Variants in SH3GL2 observed in about 807,000 individuals in gnomAD.
SH3GL2 encodes the protein SH3 domain containing GRB2 like 2, endophilin A1.
A neutral mutation model predicts 46.0 loss-of-function variants in SH3GL2; 24 were observed. The ratio of observed to expected loss-of-function variants is 0.52; its 90% CI spans 0.38 to 0.73. The LOEUF is 0.73. Ranked by LOEUF, SH3GL2 falls within the 30% of genes least tolerant of loss-of-function variation. The probability of loss-of-function intolerance (pLI) is 0.00; values close to 1 mark genes in which losing one functional copy is unlikely to be tolerated. For synonymous variants in SH3GL2, 196 were observed against 147.1 expected, an observed-to-expected ratio of 1.33 and a Z score of -2.40; for missense variants, 413 against 424.2, an observed-to-expected ratio of 0.97 and a Z score of 0.23.
chr9:17,677,386 T>G (rs1178961439), intron 1 of SH3GL2, among the ~76,000 whole-genome samples: 3 of 152,128 alleles, frequency 2.0e-5, no homozygotes, highest in African/African-American at 7.2e-5. Context: ...AATATTAATT[T>G]TAGAGTGGAT....
intron 1 of SH3GL2, among the ~76,000 whole-genome samples, chr9:17,604,572 T>C (rs1317980438): frequency 6.6e-6 from 1 of 152,232 alleles, no homozygotes; most frequent in Non-Finnish European, 1.5e-5. Context: ...TTAGCCATGC[T>C]GCTTAATTTC....
intron 8 of SH3GL2, among the ~76,000 whole-genome samples, chr9:17,794,233 T>C (rs997243219): frequency 2.0e-5 from 3 of 152,210 alleles, no homozygotes; most frequent in African/African-American, 7.2e-5. Flanking sequence ...ATTTTCAACC[T>C]CCACATTTGC....
intron 1 of SH3GL2, among the ~76,000 whole-genome samples, chr9:17,681,538 A>G (rs62548122): frequency 2.6e-5 from 4 of 152,188 alleles, no homozygotes; most frequent in Admixed American, 6.5e-5. Flanking sequence ...CTTACACCTT[A>G]TACAAAAGTT....
intron 1 of SH3GL2, among the ~76,000 whole-genome samples, chr9:17,706,149 A>C (rs1263117522): frequency 6.6e-6 from 1 of 152,020 alleles, no homozygotes; most frequent in Non-Finnish European, 1.5e-5. Flanking sequence ...GTCATTTGAG[A>C]GTTTACCCCT....
rs369038946 is a variant in SH3GL2, at chr9:17,796,997, G to T, written c.*1254G>T. The T allele has an allele frequency of 1.6e-4, 24 of 152,630 alleles. No individual in the cohort carries two copies. The highest frequency in any genetic ancestry group is 5.8e-4 in the African/African-American group (24 of 41,510). The allele number at this position is 152,630 out of a possible 1,614,324, so 9.5% of individuals were successfully genotyped here. The stretch of plus-strand genomic sequence containing the variant: ...GTACAGACTCTTTCAGAGGTTTAAC[G>T]TGCTGCTTCCGATGTGCCACCTGCA... On this transcript the variant is annotated 3_prime_UTR_variant, in exon 9 of 9. Transcript: ENST00000380607.
chr9:17,768,510 C>T (rs1290313524), intron 3 of SH3GL2, among the ~76,000 whole-genome samples: 1 of 151,696 alleles, frequency 6.6e-6, no homozygotes, highest in Non-Finnish European at 1.5e-5. Flanking sequence ...TAAATAAATA[C>T]CATACCTAAA....
chr9:17,643,743 T>G (rs2134649148), intron 1 of SH3GL2, among the ~76,000 whole-genome samples: 1 of 152,354 alleles, frequency 6.6e-6, no homozygotes, highest in Non-Finnish European at 1.5e-5. Context: ...GTCAGTATTT[T>G]ATTGAGCATT....
At chr9:17,660,988 CCT>C (rs1820198376) in intron 1 of SH3GL2, among the ~76,000 whole-genome samples, 1 of 151,950 alleles carries the variant, frequency 6.6e-6, no homozygotes, top group Non-Finnish European at 1.5e-5. Context: ...GTGGTGAAAC[CCT>C]GTCTCTACTA....
At chr9:17,622,976 G>GTTTCCTTCCCTTTCCGTTCCGTTCC (rs1397252845) in intron 1 of SH3GL2, among the ~76,000 whole-genome samples, 2 of 78,712 alleles carry the variant, frequency 2.5e-5, no homozygotes, top group African/African-American at 8.5e-5. Flanking sequence ...TTTTCCTTTC[G>GTTTCCTTCCCTTTCCGTTCCGTTCC]TTTCCTTTCG....
At chr9:17,618,913 A>G (rs952106879) in intron 1 of SH3GL2, among the ~76,000 whole-genome samples, 5 of 151,998 alleles carry the variant, frequency 3.3e-5, no homozygotes, top group African/African-American at 4.8e-5. Context: ...AAAAAGTCCA[A>G]AGTTGGCTTA....
At chr9:17,746,073 T>A (rs1822673183) in intron 1 of SH3GL2, among the ~76,000 whole-genome samples, 1 of 152,168 alleles carries the variant, frequency 6.6e-6, no homozygotes, top group South Asian at 2.1e-4. Context: ...AAAGTGTATC[T>A]AATTTTTTTA....
chr9:17,608,296 C>T (rs970843731), intron 1 of SH3GL2, among the ~76,000 whole-genome samples: 11 of 151,942 alleles, frequency 7.2e-5, no homozygotes, highest in Admixed American at 2.0e-4. Flanking sequence ...TACAGGCGCC[C>T]ACCACCACAC....
At chr9:17,787,348 C>A in intron 4 of SH3GL2, 32 bp from the exon 5 acceptor site, 2 of 1,594,076 alleles carry the variant, frequency 1.3e-6, no homozygotes, top group South Asian at 1.1e-5. Context: ...CATCTTTATT[C>A]TGTAACATGA....
intron 1 of SH3GL2, among the ~76,000 whole-genome samples, chr9:17,622,287 G>C (rs571276254): frequency 6.6e-6 from 1 of 152,240 alleles, no homozygotes; most frequent in East Asian, 1.9e-4. Context: ...TCATCAACTA[G>C]GAGAATCGTA....
chr9:17,761,516 C>T lies in SH3GL2; in HGVS notation c.187+7C>T, dbSNP rs1264728929. 3 of 1,522,980 alleles carry T rather than the reference C, an allele frequency of 2.0e-6. No homozygotes were observed. Among genetic ancestry groups the T allele is most frequent in the East Asian group, 2.2e-5 (1 of 44,498 alleles). The allele number at this position is 1,522,980 out of a possible 1,614,324, so 94.3% of individuals were successfully genotyped here. ...TACCTTCAACCCAATCCAGGTAAGG[C>T]ATCATCTTATATGTTTAAAGGATCC... On this transcript the variant is annotated splice_region_variant and intron_variant, in intron 3 of 8. Coordinates refer to ENST00000380607, the MANE Select transcript of SH3GL2 (RefSeq NM_003026.5).
chr9:17,660,851 A>G (rs2117883387), intron 1 of SH3GL2, among the ~76,000 whole-genome samples: 1 of 152,320 alleles, frequency 6.6e-6, no homozygotes, highest in East Asian at 1.9e-4. Context: ...AATTAGGTTA[A>G]TTACAAAGTG....
chr9:17,719,367 C>G (rs761328348), intron 1 of SH3GL2, among the ~76,000 whole-genome samples: 1 of 152,042 alleles, frequency 6.6e-6, no homozygotes, highest in Non-Finnish European at 1.5e-5. Context: ...GGCCTAATTC[C>G]AGTCAATGTT....
chr9:17,661,832 G>T (rs117147231), intron 1 of SH3GL2, among the ~76,000 whole-genome samples: 1 of 152,054 alleles, frequency 6.6e-6, no homozygotes, highest in Non-Finnish European at 1.5e-5. Context: ...ACTTTAACAC[G>T]TAATACTTAT....
intron 1 of SH3GL2, among the ~76,000 whole-genome samples, chr9:17,679,076 G>T (rs1201753837): frequency 6.6e-6 from 1 of 152,102 alleles, no homozygotes; most frequent in African/African-American, 2.4e-5. Context: ...GATGCCTCCA[G>T]CTTTGTTCTT....
Sources: gnomAD v4.1 joint callset for allele counts (sites outside exome capture counted in the v4.1 genomes callset) on GRCh38, gnomAD v4.1.1 for gene constraint, MANE v1.5 for transcripts, NCBI Gene and HGNC (gene_info 2026-07-23, HGNC 2026-07-21) for gene names.